Variants in STK32B observed in about 807,000 individuals in gnomAD.
STK32B encodes serine/threonine kinase 32B, also known as serine/threonine-protein kinase 32B.
In STK32B, 43 loss-of-function variants were observed where a neutral mutation model predicts 52.6. The ratio of observed to expected loss-of-function variants is 0.82; its 90% CI spans 0.64 to 1.05. STK32B has a LOEUF of 1.05. STK32B is among the 50% of genes least tolerant of loss of function. STK32B has a pLI of 0.00. For synonymous variants in STK32B, 238 were observed against 204.3 expected (o/e 1.17, Z -1.41); for missense variants, 621 against 534.6 (o/e 1.16, Z -1.59).
chr4:5,152,864 A>G (rs1717483509), intron 2 of STK32B, among the ~76,000 whole-genome samples: 1 of 152,212 alleles, frequency 6.6e-6, no homozygotes, highest in African/African-American at 2.4e-5. Flanking sequence ...TATAGAAACT[A>G]ACATTGTTTT....
intron 4 of STK32B, among the ~76,000 whole-genome samples, chr4:5,357,022 T>C (rs62297286): frequency 0.23 from 33,750 of 145,460 alleles, 4,522 homozygotes; most frequent in African/African-American, 0.41. Context: ...TATATATATA[T>C]ACACACACAC....
rs36045851 is a variant in STK32B, at chr4:5,088,092, A to G, written c.52+36177A>G. Among the ~76,000 whole-genome samples, 733 of 152,254 alleles carry G rather than the reference A, an allele frequency of 4.8e-3. 24 individuals carry two copies. Among genetic ancestry groups the G allele is most frequent in the Admixed American group, 0.045 (693 of 15,298 alleles). On this transcript the variant is annotated intron_variant, in intron 1 of 11. Coordinates refer to ENST00000282908, the MANE Select transcript of STK32B (RefSeq NM_018401.3). ...TAAAAATATTTAAATTATACAATGT[A>G]TGCCTGTGATCGCAACAGAAAAAAG...
At chr4:5,447,701 GA>G (rs1715589650) in intron 7 of STK32B, among the ~76,000 whole-genome samples, 1 of 152,208 alleles carries the variant, frequency 6.6e-6, no homozygotes, top group Non-Finnish European at 1.5e-5. Context: ...AGTATCATTT[GA>G]AAAGGATGTC....
intron 1 of STK32B, among the ~76,000 whole-genome samples, chr4:5,106,345 G>A (rs900854150): frequency 6.6e-6 from 1 of 152,120 alleles, no homozygotes; most frequent in African/African-American, 2.4e-5. Flanking sequence ...TCCTTGTCTT[G>A]TTCTTTATGA....
intron 3 of STK32B, among the ~76,000 whole-genome samples, chr4:5,245,260 T>C (rs1725355154): frequency 6.6e-6 from 1 of 152,248 alleles, no homozygotes. Context: ...ATCTGGGTGC[T>C]CCTGTATTGG....
At chr4:5,309,489 C>T (rs953762342) in intron 3 of STK32B, among the ~76,000 whole-genome samples, 5 of 152,078 alleles carry the variant, frequency 3.3e-5, no homozygotes, top group African/African-American at 1.2e-4. Flanking sequence ...TCAAAGTATA[C>T]CATAAAACTA....
At position 5,161,179 on chromosome 4, in the gene STK32B, A is replaced by C. The variant is rs1405555169; in HGVS notation, c.109-7120A>C. ...GCACCTAATACATGTTTATTGAGTG[A>C]AATACTCATCCAAGTAAGTATTTTT... is the stretch of plus-strand genomic sequence containing the variant. On this transcript the variant is annotated intron_variant, in intron 2 of 11. Transcript: ENST00000282908. 2.6e-5 allele frequency among the ~76,000 whole-genome samples: 4 copies of C among 152,294 alleles called. No homozygotes were observed. In the East Asian group the frequency reaches 7.7e-4, roughly 29 times the overall value.
intron 9 of STK32B, among the ~76,000 whole-genome samples, chr4:5,462,885 G>A (rs114484258): frequency 2.2e-3 from 340 of 152,332 alleles, no homozygotes; most frequent in Non-Finnish European, 4.2e-3. Flanking sequence ...AGGGTTTTGT[G>A]GAGCCATAAG....
chr4:5,466,870 T>A, intron 10 of STK32B, 36 bp downstream of exon 10: 1 of 1,601,352 alleles, frequency 6.2e-7, no homozygotes, highest in South Asian at 1.1e-5. Context: ...GGGAGAGAAA[T>A]CCTGTGCTCA....
intron 1 of STK32B, among the ~76,000 whole-genome samples, chr4:5,071,000 A>C (rs1387039433): frequency 6.6e-6 from 1 of 152,218 alleles, no homozygotes; most frequent in Non-Finnish European, 1.5e-5. Context: ...CTTCCAGAGC[A>C]AAATCTCAAA....
At chr4:5,318,752 G>A (rs141714511) in intron 3 of STK32B, among the ~76,000 whole-genome samples, 18 of 152,254 alleles carry the variant, frequency 1.2e-4, no homozygotes, top group African/African-American at 4.1e-4. Flanking sequence ...GTAGAAGGAT[G>A]CAGTGGGCTG....
At chr4:5,257,030 G>A (rs530212123) in intron 3 of STK32B, among the ~76,000 whole-genome samples, 70 of 152,014 alleles carry the variant, frequency 4.6e-4, no homozygotes, top group African/African-American at 1.6e-3. Flanking sequence ...TGAATGAGTG[G>A]ATGAATAAGT....
Position 5,374,569 on chromosome 4 carries a change from G to T in STK32B, c.435-23638G>T, listed in dbSNP as rs114986839. On this transcript the variant is annotated intron_variant, in intron 4 of 11. Coordinates refer to ENST00000282908, the MANE Select transcript of STK32B (RefSeq NM_018401.3). Reference sequence around the variant, plus strand: ...GAGGAAGTCCAAGACTGAAGAATCAGTGTCTGGCGAGGGCCTGCTCCCCAT... The same window carrying T: ...GAGGAAGTCCAAGACTGAAGAATCATTGTCTGGCGAGGGCCTGCTCCCCAT... 3.7e-3 allele frequency among the ~76,000 whole-genome samples: 564 copies of T among 152,304 alleles called. 4 individuals carry two copies. Among genetic ancestry groups the T allele is most frequent in the African/African-American group, 0.013 (547 of 41,558 alleles).
intron 3 of STK32B, among the ~76,000 whole-genome samples, chr4:5,196,690 C>T (rs1346383092): frequency 6.6e-6 from 1 of 151,204 alleles, no homozygotes; most frequent in Non-Finnish European, 1.5e-5. Flanking sequence ...CACTGCTCTC[C>T]AGTCTGGGCG....
chr4:5,019,517 C>T, the STK32B span: 4 of 1,374,834 alleles, frequency 2.9e-6, no homozygotes, highest in South Asian at 4.9e-5. Context: ...GGCGGCTCCA[C>T]GCCTCCACTT....
intron 4 of STK32B, among the ~76,000 whole-genome samples, chr4:5,353,968 A>G (rs1734015001): frequency 6.6e-6 from 1 of 152,248 alleles, no homozygotes; most frequent in African/African-American, 2.4e-5. Flanking sequence ...AATTGCGAAG[A>G]TACGGAATCA....
At chr4:5,206,235 C>A (rs1019206264) in intron 3 of STK32B, among the ~76,000 whole-genome samples, 3 of 152,226 alleles carry the variant, frequency 2.0e-5, no homozygotes, top group Admixed American at 2.0e-4. Context: ...TGATGACTGT[C>A]TTCTCTTAGG....
At chr4:5,440,699 G>A (rs1714650356) in intron 6 of STK32B, among the ~76,000 whole-genome samples, 1 of 152,164 alleles carries the variant, frequency 6.6e-6, no homozygotes, top group Admixed American at 6.5e-5. Flanking sequence ...CAAAGGAAAT[G>A]CTTCCAGTTT....
chr4:5,075,596 A>G (rs1490867319), intron 1 of STK32B, among the ~76,000 whole-genome samples: 1 of 152,122 alleles, frequency 6.6e-6, no homozygotes, highest in Non-Finnish European at 1.5e-5. Flanking sequence ...GATAAATTGA[A>G]TCTTAACCAA....
Sources: gnomAD v4.1 joint callset for allele counts (sites outside exome capture counted in the v4.1 genomes callset) on GRCh38, gnomAD v4.1.1 for gene constraint, MANE v1.5 for transcripts, NCBI Gene and HGNC (gene_info 2026-07-23, HGNC 2026-07-21) for gene names.